Variants in SUPT4H1 observed in about 807,000 individuals in gnomAD.
SUPT4H1 encodes SPT4 homolog, DSIF elongation factor subunit, also known as transcription elongation factor SPT4.
SUPT4H1 carries 12 observed loss-of-function variants against 19.4 expected under a neutral mutation model. The ratio of observed to expected loss-of-function variants is 0.62; its 90% CI spans 0.40 to 1.00. The LOEUF (loss-of-function observed/expected upper bound fraction) is 1.00, where lower values mean the gene tolerates loss of function less well. SUPT4H1 is among the 50% of genes least tolerant of loss of function. The probability of loss-of-function intolerance (pLI) is 0.00; values close to 1 mark genes in which losing one functional copy is unlikely to be tolerated. For missense variants in SUPT4H1, 115 were observed against 149.2 expected, an observed-to-expected ratio of 0.77 and a Z score of 1.19; for synonymous variants, 58 against 56.3, an observed-to-expected ratio of 1.03 and a Z score of -0.14.
At chr17:58,348,044 A>G (rs1268312518) in intron 2 of SUPT4H1, among the ~76,000 whole-genome samples, 2 of 152,160 alleles carry the variant, frequency 1.3e-5, no homozygotes, top group African/African-American at 4.8e-5. Flanking sequence ...TGACCTATAC[A>G]TGTGGGGTTC....
At chr17:58,346,924 G>GGCAA (rs1972313663) in intron 4 of SUPT4H1, among the ~76,000 whole-genome samples, 1 of 151,870 alleles carries the variant, frequency 6.6e-6, no homozygotes, top group South Asian at 2.1e-4. Flanking sequence ...GTCCAGCCTG[G>GGCAA]GCAACATAGT....
Position 58,351,861 on chromosome 17 carries a change from G to A in SUPT4H1, c.69+206C>T, listed in dbSNP as rs1427564691. 2.0e-5 allele frequency: 12 copies of A among 600,146 alleles called. No homozygotes were observed. In the East Asian group the frequency reaches 3.4e-4, roughly 17 times the overall value. 37.2% of individuals were successfully genotyped at this position (600,146 alleles called of 1,614,324 possible). Reference sequence around the variant, plus strand: ...ACGTCTAAGAGCTGAGGATTCAAAGGCATGTAAGACCGCCCCTGCCCTCAG... The same window carrying A: ...ACGTCTAAGAGCTGAGGATTCAAAGACATGTAAGACCGCCCCTGCCCTCAG... On this transcript the variant is annotated intron_variant, in intron 1 of 4. Transcript: ENST00000225504.
intron 1 of SUPT4H1, 88 bp from the exon 2 acceptor site, chr17:58,351,596 C>T (rs760839274): frequency 5.7e-6 from 5 of 883,070 alleles, no homozygotes; most frequent in Admixed American, 3.9e-5. Context: ...CTTCGACCTG[C>T]TCAATTTCTT....
At chr17:58,349,159 A>G (rs566591136) in intron 2 of SUPT4H1, among the ~76,000 whole-genome samples, 2 of 152,396 alleles carry the variant, frequency 1.3e-5, no homozygotes, top group African/African-American at 4.8e-5. Flanking sequence ...TCAAAAAATT[A>G]AACACTGAAC....
At chr17:58,346,456 G>A in intron 4 of SUPT4H1, 143 bp from the exon 5 acceptor site, 1 of 663,286 alleles carries the variant, frequency 1.5e-6, no homozygotes. Context: ...CAGGCACGGT[G>A]GCTCATGCCT....
chr17:58,351,622 CTG>C (rs1199016108), intron 1 of SUPT4H1, 114 bp from the exon 2 acceptor site: 1 of 732,172 alleles, frequency 1.4e-6, no homozygotes, highest in African/African-American at 1.8e-5. Flanking sequence ...CCTATGTTGA[CTG>C]TGTATCCTAA....
rs141009509 is a variant in SUPT4H1 at position 58,347,428 on chromosome 17, A to G, written c.232+101T>C. ...TGTTTCCTACAACCCGATCTTTCCC[A>G]CCCTGAGGTCACTCATCTTGCTGAT... On this transcript the variant is annotated intron_variant, in intron 3 of 4. Transcript: ENST00000225504. 496 of 1,470,246 alleles carry G rather than the reference A, an allele frequency of 3.4e-4. 1 individual carries two copies. The highest frequency in any genetic ancestry group is 1.6e-3 in the Middle Eastern group (9 of 5,774). The allele number at this position is 1,470,246 out of a possible 1,614,324, so 91.1% of individuals were successfully genotyped here. A position where few individuals can be genotyped will look rare whatever the true frequency, so the allele number is the denominator to read the frequency against.
intron 2 of SUPT4H1, among the ~76,000 whole-genome samples, chr17:58,349,775 A>C (rs1764421082): frequency 6.6e-6 from 1 of 152,106 alleles, no homozygotes; most frequent in African/African-American, 2.4e-5. Context: ...TTGGTGAAAG[A>C]AGCTAAAAAA....
At chr17:58,351,731 C>G in intron 1 of SUPT4H1, 1 of 578,558 alleles carries the variant, frequency 1.7e-6, no homozygotes, top group Admixed American at 3.2e-5. Context: ...ATTCCTTTCT[C>G]TAGTCTACTC....
intron 2 of SUPT4H1, among the ~76,000 whole-genome samples, chr17:58,350,510 CAAAT>C (rs71143243): frequency 2.3e-4 from 34 of 146,922 alleles, no homozygotes; most frequent in East Asian, 6.0e-4. Flanking sequence ...GACTCCATCT[CAAAT>C]AAATAAATAA....
intron 2 of SUPT4H1, 140 bp downstream of exon 2, chr17:58,351,262 A>G: frequency 1.7e-6 from 1 of 598,376 alleles, no homozygotes; most frequent in Non-Finnish European, 2.9e-6. Flanking sequence ...AAAAAAAAAA[A>G]AAAAAAAAAA....
At chr17:58,351,804 A>G in intron 1 of SUPT4H1, 1 of 574,582 alleles carries the variant, frequency 1.7e-6, no homozygotes, top group South Asian at 2.1e-5. Flanking sequence ...TCTGACTCCC[A>G]GTGTCTTTCG....
At chr17:58,347,093 A>G (rs1462667730) in intron 4 of SUPT4H1, 95 bp downstream of exon 4, 7 of 1,270,054 alleles carry the variant, frequency 5.5e-6, no homozygotes, top group Non-Finnish European at 8.0e-6. Context: ...AAAATGCTGA[A>G]CCTCATAGAA....
chr17:58,351,686 C>G, intron 1 of SUPT4H1, 178 bp from the exon 2 acceptor site: 3 of 584,024 alleles, frequency 5.1e-6, no homozygotes, highest in Non-Finnish European at 9.1e-6. Context: ...CACCCTCCCA[C>G]TCCTTCCTCT....
chr17:58,346,225 T>C lies in SUPT4H1; in HGVS notation c.*21A>G, dbSNP rs2143288572. Reference sequence around the variant, plus strand: ...AGAGGCAGGAGGTGGAGAGCAAAGATGCTGGCAGCCTTGCATCTTGCTAGG... The same window carrying C: ...AGAGGCAGGAGGTGGAGAGCAAAGACGCTGGCAGCCTTGCATCTTGCTAGG... On this transcript the variant is annotated 3_prime_UTR_variant, in exon 5 of 5. Coordinates refer to ENST00000225504, the MANE Select transcript of SUPT4H1 (RefSeq NM_003168.3). 3.1e-6 allele frequency: 5 copies of C among 1,610,268 alleles called. No homozygotes were observed. In the East Asian group the frequency reaches 1.1e-4, roughly 36 times the overall value.
intron 1 of SUPT4H1, chr17:58,351,734 G>A (rs374438210): frequency 5.2e-6 from 3 of 576,254 alleles, no homozygotes; most frequent in Non-Finnish European, 9.2e-6. Flanking sequence ...CCTTTCTCTA[G>A]TCTACTCAGG....
rs1972252605 is a variant in SUPT4H1, at chr17:58,345,484, G to A, written c.*762C>T. ...ACCTCCTACAGGGGCACAAACAAGG[G>A]AGACTAGGACTCAATGGTCGCCCAA... is the stretch of plus-strand genomic sequence containing the variant. On this transcript the variant is annotated 3_prime_UTR_variant, in exon 5 of 5. Coordinates refer to ENST00000225504, the MANE Select transcript of SUPT4H1 (RefSeq NM_003168.3). The A allele has an allele frequency of 6.6e-6, 1 of 152,082 alleles. No homozygotes were observed. 9.4% of individuals were successfully genotyped at this position (152,082 alleles called of 1,614,324 possible).
At chr17:58,348,011 T>C (rs1348758861) in intron 2 of SUPT4H1, among the ~76,000 whole-genome samples, 1 of 152,198 alleles carries the variant, frequency 6.6e-6, no homozygotes, top group African/African-American at 2.4e-5. Context: ...CTTAATGACC[T>C]ATACATATGG....
chr17:58,348,755 C>T (rs1972385151), intron 2 of SUPT4H1, among the ~76,000 whole-genome samples: 1 of 152,168 alleles, frequency 6.6e-6, no homozygotes, highest in Admixed American at 6.5e-5. Flanking sequence ...TCCCAAACTT[C>T]TTGCCTTAAG....
Sources: gnomAD v4.1 joint callset for allele counts (sites outside exome capture counted in the v4.1 genomes callset) on GRCh38, gnomAD v4.1.1 for gene constraint, MANE v1.5 for transcripts, NCBI Gene and HGNC (gene_info 2026-07-23, HGNC 2026-07-21) for gene names.